Variants in OSBPL1A observed in about 807,000 individuals in gnomAD.
OSBPL1A encodes oxysterol binding protein like 1A, also known as oxysterol-binding protein-related protein 1.
A neutral mutation model predicts 137.1 loss-of-function variants in OSBPL1A; 80 were observed. The observed-to-expected ratio is 0.58, with a 90% CI of 0.49 to 0.70. The LOEUF is 0.70. Among genes scored for constraint, OSBPL1A ranks in the 30% least tolerant of loss-of-function variants. The pLI is 0.00. For synonymous variants in OSBPL1A, 365 were observed against 389.7 expected, an observed-to-expected ratio of 0.94 and a Z score of 0.75; for missense variants, 970 against 1,129.4, an observed-to-expected ratio of 0.86 and a Z score of 2.02.
chr18:24,391,526 C>A (rs1307972156), intron 1 of OSBPL1A, among the ~76,000 whole-genome samples: 2 of 142,478 alleles, frequency 1.4e-5, no homozygotes, highest in Non-Finnish European at 3.0e-5. Context: ...AGTTTAAGAC[C>A]AGTCTGGGCA....
At chr18:24,215,533 T>C (rs1490426756) in intron 17 of OSBPL1A, among the ~76,000 whole-genome samples, 1 of 152,140 alleles carries the variant, frequency 6.6e-6, no homozygotes, top group Non-Finnish European at 1.5e-5. Flanking sequence ...TACCTTGCAA[T>C]TTTTTTATTA....
At chr18:24,388,143 T>C (rs1448412512) in intron 1 of OSBPL1A, among the ~76,000 whole-genome samples, 1 of 152,182 alleles carries the variant, frequency 6.6e-6, no homozygotes. Flanking sequence ...ATCTCCAATA[T>C]CACCTAGAGC....
At chr18:24,332,835 A>G in intron 7 of OSBPL1A, 107 bp downstream of exon 7, 5 of 1,337,002 alleles carry the variant, frequency 3.7e-6, no homozygotes, top group Non-Finnish European at 3.1e-6. Flanking sequence ...AATAGAAACC[A>G]TACAGTTTAA....
Position 24,162,066 on chromosome 18 carries a change from C to CTTTA in OSBPL1A, c.*1109_*1112dup, listed in dbSNP as rs2086027305. On this transcript the variant is annotated 3_prime_UTR_variant, in exon 28 of 28. Coordinates refer to ENST00000319481, the MANE Select transcript of OSBPL1A (RefSeq NM_080597.4). ...ACACTTTTGGGGAACATTCTAAAGC[C>CTTTA]TTTATTTAGCATCAGGTAGATTATT... The CTTTA allele has an allele frequency of 1.3e-5, 2 of 152,346 alleles. No homozygotes were observed. Among genetic ancestry groups the CTTTA allele is most frequent in the African/African-American group, 4.8e-5 (2 of 41,422 alleles). 9.4% of individuals were successfully genotyped at this position (152,346 alleles called of 1,614,324 possible).
chr18:24,342,094 CATT>C (rs2091282556), intron 4 of OSBPL1A, among the ~76,000 whole-genome samples: 1 of 152,032 alleles, frequency 6.6e-6, no homozygotes, highest in African/African-American at 2.4e-5. Context: ...CAAAATAAAG[CATT>C]ATTTTCTAAA....
intron 14 of OSBPL1A, among the ~76,000 whole-genome samples, 161 bp from the exon 15 acceptor site, chr18:24,281,109 C>T (rs1374766869): frequency 1.3e-5 from 2 of 151,992 alleles, no homozygotes; most frequent in Non-Finnish European, 1.5e-5. Context: ...TTTCTTGAGA[C>T]GGAGTCTGCT....
chr18:24,334,092 T>C (rs568238757), intron 6 of OSBPL1A, among the ~76,000 whole-genome samples, 153 bp downstream of exon 6: 43 of 152,304 alleles, frequency 2.8e-4, no homozygotes, highest in African/African-American at 1.0e-3. Flanking sequence ...TGAGTGTTTT[T>C]AGATATTAAG....
At position 24,239,366 on chromosome 18, in the gene OSBPL1A, A is replaced by C. The variant is rs1899556242; in HGVS notation, c.1298T>G (p.Leu433Trp). ...TTTGTTTTTTTCTTGCTCTTGTTCCAATTTAAAATTCCTCACCTAGAAGAA... is the reference window on the plus strand; with the variant it reads ...TTTGTTTTTTTCTTGCTCTTGTTCCCATTTAAAATTCCTCACCTAGAAGAA... ...TKQEGVRNFK[L>W]EQEQEKNKIL... is the part of the protein sequence containing the mutation. Residue 433 changes from leucine to tryptophan, a missense_variant, in exon 16 of 28, where the codon TTG becomes TGG. By Grantham distance (61) the Leu-to-Trp change is moderately conservative. Around this residue, in one of 2 missense-constraint regions of OSBPL1A, gnomAD observed 647 missense variants for 672.6 expected, o/e 0.96. Transcript: ENST00000319481. 6.2e-7 allele frequency: 1 copy of C among 1,613,770 alleles called. No individual in the cohort carries two copies. The highest frequency in any genetic ancestry group is 8.5e-7 in the Non-Finnish European group (1 of 1,179,858).
chr18:24,244,292 TCATCA>T (rs2088814805), intron 15 of OSBPL1A, among the ~76,000 whole-genome samples: 1 of 152,220 alleles, frequency 6.6e-6, no homozygotes, highest in African/African-American at 2.4e-5. Context: ...CAAACAATAA[TCATCA>T]CCCTAGTTAT....
intron 17 of OSBPL1A, chr18:24,218,434 A>T (rs1256226673): frequency 6.6e-6 from 1 of 152,096 alleles, no homozygotes; most frequent in Non-Finnish European, 1.5e-5. Context: ...AATCTACTGT[A>T]CAACATGGTT....
chr18:24,334,117 T>C (rs2091130165), intron 6 of OSBPL1A, 128 bp downstream of exon 6: 1 of 614,302 alleles, frequency 1.6e-6, no homozygotes, highest in Non-Finnish European at 2.7e-6. Context: ...TTGGTTCTAC[T>C]ATTATGATCT....
intron 17 of OSBPL1A, chr18:24,218,386 T>A (rs760040011): frequency 3.9e-5 from 6 of 152,168 alleles, no homozygotes; most frequent in Non-Finnish European, 5.9e-5. Context: ...TGCAAATTCA[T>A]GAAGTGTCCC....
chr18:24,270,866 G>GGTTT, intron 15 of OSBPL1A, among the ~76,000 whole-genome samples: 3 of 152,030 alleles, frequency 2.0e-5, no homozygotes, highest in African/African-American at 7.2e-5. Context: ...TTAAAATTAA[G>GGTTT]AAACTTTTAA....
In OSBPL1A at chr18:24,310,497, C is replaced by G. The variant is rs370245679; in HGVS notation, c.1092+1487G>C. On this transcript the variant is annotated intron_variant, in intron 13 of 27. Transcript: ENST00000319481. ...GGCGCCTGTAGTCCCAGCTACTCGG[C>G]AGGCTGAGGCAGGGGAATGGCGTGA... 9.2e-4 allele frequency among the ~76,000 whole-genome samples: 134 copies of G among 145,664 alleles called. 2 individuals carry two copies. Among genetic ancestry groups the G allele is most frequent in the Non-Finnish European group, 1.6e-3 (108 of 67,048 alleles).
At chr18:24,276,290 TAAGAA>T (rs1263929728) in intron 15 of OSBPL1A, among the ~76,000 whole-genome samples, 1 of 152,174 alleles carries the variant, frequency 6.6e-6, no homozygotes, top group Non-Finnish European at 1.5e-5. Flanking sequence ...CAGACCAGGC[TAAGAA>T]AAGACCCAGC....
chr18:24,341,391 A>T (rs1363951466), intron 5 of OSBPL1A, among the ~76,000 whole-genome samples, 156 bp downstream of exon 5: 1 of 152,202 alleles, frequency 6.6e-6, no homozygotes, highest in Non-Finnish European at 1.5e-5. Flanking sequence ...TCATATAGAT[A>T]ATTGTGTGTT....
At chr18:24,249,675 G>T (rs970063878) in intron 15 of OSBPL1A, among the ~76,000 whole-genome samples, 1 of 152,082 alleles carries the variant, frequency 6.6e-6, no homozygotes, top group Non-Finnish European at 1.5e-5. Flanking sequence ...AGCCAGGCTG[G>T]GCTCACCCAG....
intron 7 of OSBPL1A, among the ~76,000 whole-genome samples, chr18:24,321,922 G>T (rs551562324): frequency 6.6e-6 from 1 of 152,118 alleles, no homozygotes; most frequent in East Asian, 1.9e-4. Flanking sequence ...TAATTTCCAT[G>T]ATTTTTTTTA....
chr18:24,311,955 T>A, intron 13 of OSBPL1A, 29 bp downstream of exon 13: 1 of 1,612,974 alleles, frequency 6.2e-7, no homozygotes, highest in Non-Finnish European at 8.5e-7. Flanking sequence ...TAGATAGCTA[T>A]AAAGGTCAGG....
Sources: allele counts gnomAD v4.1 joint callset (sites outside exome capture counted in the v4.1 genomes callset), GRCh38; gene constraint gnomAD v4.1.1; regional missense constraint gnomAD v4.1.1; transcripts MANE v1.5; gene names NCBI Gene and HGNC (gene_info 2026-07-23, HGNC 2026-07-21).